GARNL3: variants seen among roughly 807,000 people sequenced by gnomAD.
GARNL3 encodes the protein GTPase activating Rap/RanGAP domain like 3.
Under a neutral mutation model 125.0 loss-of-function variants are expected in GARNL3, and 63 were observed. The ratio of observed to expected loss-of-function variants is 0.50; its 90% CI spans 0.41 to 0.62. GARNL3 has a LOEUF of 0.62. Ranked by LOEUF, GARNL3 falls within the 20% of genes least tolerant of loss-of-function variation. GARNL3 has a pLI of 0.00. For missense variants in GARNL3, 994 were observed against 1,244.0 expected, an observed-to-expected ratio of 0.80 and a Z score of 3.02; for synonymous variants, 439 against 457.5, an observed-to-expected ratio of 0.96 and a Z score of 0.52.
At position 127,355,398 on chromosome 9, in the gene GARNL3, C is replaced by T. The variant is rs1190669505; in HGVS notation, c.1861C>T (p.Pro621Ser). The T allele has an allele frequency of 6.2e-7, 1 of 1,614,106 alleles. No individual in the cohort carries two copies. Among genetic ancestry groups the T allele is most frequent in the African/African-American group, 1.3e-5 (1 of 74,942 alleles). The change falls in exon 20 of 28, where the codon CCA becomes TCA. Residue 621 changes from proline (P) to serine (S), a missense_variant. By Grantham distance (74) the Pro-to-Ser change is moderately conservative. This residue lies in a region of GARNL3 where 728 missense variants were observed against 865.7 expected (regional missense o/e 0.84). Transcript: ENST00000373387. ...LLLITRKHNK[P>S]SGVTSTSLLS... Reference sequence around the variant, plus strand: ...TCTGATCACAAGAAAACACAACAAGCCAAGCGGGGTCACCAGCACCTCATT... The same window carrying T: ...TCTGATCACAAGAAAACACAACAAGTCAAGCGGGGTCACCAGCACCTCATT...
intron 7 of GARNL3, among the ~76,000 whole-genome samples, chr9:127,326,104 C>T (rs1363325060): frequency 1.3e-5 from 2 of 152,176 alleles, no homozygotes; most frequent in African/African-American, 2.4e-5. Context: ...GCTTGTCCCC[C>T]AGATGTCCTC....
chr9:127,345,347 A>G (rs1830078922), intron 15 of GARNL3, 56 bp from the exon 16 acceptor site: 1 of 1,088,180 alleles, frequency 9.2e-7, no homozygotes. Flanking sequence ...ACAATTGTTT[A>G]TCCTGCTGTA....
chr9:127,267,576 CAT>C (rs1453666857), intron 1 of GARNL3, among the ~76,000 whole-genome samples: 29 of 152,178 alleles, frequency 1.9e-4, no homozygotes, highest in South Asian at 1.9e-3. Flanking sequence ...TTAAAAATGA[CAT>C]GTGTGCTGGT....
intron 7 of GARNL3, among the ~76,000 whole-genome samples, chr9:127,326,412 TTGAA>T (rs1400038746): frequency 2.6e-5 from 4 of 152,160 alleles, no homozygotes; most frequent in Non-Finnish European, 5.9e-5. Flanking sequence ...GATTGATTGA[TTGAA>T]TGAATATATT....
intron 1 of GARNL3, among the ~76,000 whole-genome samples, chr9:127,276,920 C>T (rs1218414238): frequency 6.6e-6 from 1 of 152,214 alleles, no homozygotes; most frequent in Non-Finnish European, 1.5e-5. Flanking sequence ...GTTATCATCC[C>T]CATCTTACAG....
At chr9:127,263,741 T>C (rs2063642010), upstream of GARNL3, 1 of 1,197,112 alleles carries the variant, frequency 8.4e-7, no homozygotes. Context: ...CATTTTCAGC[T>C]AAGAGAGGGA....
At chr9:127,358,696 A>G (rs1346235463) in intron 21 of GARNL3, among the ~76,000 whole-genome samples, 1 of 152,140 alleles carries the variant, frequency 6.6e-6, no homozygotes, top group African/African-American at 2.4e-5. Context: ...TCTCTTATCT[A>G]TATTGGTGGT....
In GARNL3 at chr9:127,345,408, A is replaced by G; in HGVS notation, c.1362A>G (p.Leu454=). ...QAEFVRIGQA[L]KLKSIVRGDA... The stretch of plus-strand genomic sequence containing the variant: ...AGAGATCTCTGTTCTGTAAGGCACT[A>G]AAACTGAAATCCATTGTGAGAGGGG... Residue 454 remains leucine, a synonymous_variant, in exon 16 of 28, where the codon CTA becomes CTG. Coordinates refer to ENST00000373387, the MANE Select transcript of GARNL3 (RefSeq NM_032293.5). 6.2e-7 allele frequency: 1 copy of G among 1,603,740 alleles called. No individual in the cohort carries two copies. Among genetic ancestry groups the G allele is most frequent in the Non-Finnish European group, 8.5e-7 (1 of 1,174,566 alleles).
intron 2 of GARNL3, chr9:127,300,740 C>A (rs2064759230): frequency 2.9e-6 from 1 of 344,918 alleles, no homozygotes; most frequent in African/African-American, 2.2e-5. Flanking sequence ...CAGGCGCGAG[C>A]CACCGCGCCT....
At chr9:127,305,751 T>A (rs2064936711) in intron 2 of GARNL3, among the ~76,000 whole-genome samples, 1 of 151,882 alleles carries the variant, frequency 6.6e-6, no homozygotes, top group Non-Finnish European at 1.5e-5. Context: ...TTTTATTTTT[T>A]AATTTTATTT....
chr9:127,276,769 G>C (rs1258540557), intron 1 of GARNL3, among the ~76,000 whole-genome samples: 1 of 152,144 alleles, frequency 6.6e-6, no homozygotes, highest in African/African-American at 2.4e-5. Context: ...AATCCCATTG[G>C]TTCTATTATA....
At chr9:127,298,858 A>G (rs978877939) in intron 2 of GARNL3, among the ~76,000 whole-genome samples, 3 of 152,220 alleles carry the variant, frequency 2.0e-5, no homozygotes, top group Non-Finnish European at 2.9e-5. Flanking sequence ...ATTCTCACCT[A>G]TCTCAAGATT....
chr9:127,264,318 G>C, upstream of GARNL3: 1 of 231,484 alleles, frequency 4.3e-6, no homozygotes, highest in Non-Finnish European at 7.8e-6. Context: ...TCTGATTTAA[G>C]CCTTTTTGGG....
At chr9:127,378,432 T>A (rs1414285571) in intron 22 of GARNL3, among the ~76,000 whole-genome samples, 1 of 151,486 alleles carries the variant, frequency 6.6e-6, no homozygotes, top group Non-Finnish European at 1.5e-5. Flanking sequence ...ACTAAAAATA[T>A]AAAAATCAAC....
Position 127,292,495 on chromosome 9 carries a change from C to T in GARNL3, c.219+1253C>T, listed in dbSNP as rs1239505214. Among the ~76,000 whole-genome samples the T allele has an allele frequency of 4.6e-5, 7 of 152,288 alleles. No individual in the cohort carries two copies. In the East Asian group the frequency reaches 9.6e-4, roughly 21 times the overall value. On this transcript the variant is annotated intron_variant, in intron 2 of 27. Transcript: ENST00000373387. The stretch of plus-strand genomic sequence containing the variant: ...CTTGGAAAGCTAGCGGCCACCATGC[C>T]GAGTTTCTACTTTGAGAGCCCATGG...
At chr9:127,269,964 T>C (rs185197167) in intron 1 of GARNL3, among the ~76,000 whole-genome samples, 35 of 152,352 alleles carry the variant, frequency 2.3e-4, no homozygotes, top group African/African-American at 8.2e-4. Context: ...CTATTATTTA[T>C]TTTGTTGTCT....
At chr9:127,229,824 C>T (rs1317538643) in intron 1 of GARNL3, among the ~76,000 whole-genome samples, 2 of 152,196 alleles carry the variant, frequency 1.3e-5, no homozygotes, top group Non-Finnish European at 2.9e-5. Context: ...TAGGGCTTTT[C>T]AGAATCTGGT....
Position 127,336,132 on chromosome 9 carries a change from A to T in GARNL3, c.878A>T (p.Glu293Val). ...TGTTATTTATGCTCACTACAGGTGG[A>T]AAGGAAACGCCACATTGGAAACGAT... Reference protein sequence around the residue: ...PYSKENKQQVERKRHIGNDIV... With the variant: ...PYSKENKQQVVRKRHIGNDIV... The change falls in exon 11 of 28, where the codon GAA (glutamate) becomes GTA (valine). Residue 293 changes from glutamate (E) to valine (V), a missense_variant. Transcript: ENST00000373387. 6.2e-7 allele frequency: 1 copy of T among 1,612,036 alleles called. No homozygotes were observed. The highest frequency in any genetic ancestry group is 2.2e-5 in the East Asian group (1 of 44,856).
chr9:127,272,637 G>A lies in GARNL3; in HGVS notation c.144+7616G>A, dbSNP rs528384446. ...TGGGACTACAGGTGCACACCATCAC[G>A]CCCAGCTAATTTTTGTATTTTTAGT... On this transcript the variant is annotated intron_variant, in intron 1 of 27. Coordinates refer to ENST00000373387, the MANE Select transcript of GARNL3 (RefSeq NM_032293.5). 6.6e-5 allele frequency among the ~76,000 whole-genome samples: 10 copies of A among 151,958 alleles called. No homozygotes were observed. In the South Asian group the frequency reaches 1.2e-3, roughly 19 times the overall value.
Sources: gnomAD v4.1 joint callset for allele counts (sites outside exome capture counted in the v4.1 genomes callset) on GRCh38, gnomAD v4.1.1 for gene constraint, gnomAD v4.1.1 regional missense constraint, MANE v1.5 for transcripts, NCBI Gene and HGNC (gene_info 2026-07-23, HGNC 2026-07-21) for gene names.